SMPX: variants seen among roughly 807,000 people sequenced by gnomAD.
SMPX encodes the protein small muscle protein X-linked.
SMPX carries 2 observed loss-of-function variants against 6.3 expected under a neutral mutation model. That is an observed-to-expected ratio of 0.32 (90% confidence interval 0.13 to 0.99). The LOEUF is 0.99. SMPX is among the 50% of genes least tolerant of loss of function. The pLI is 0.49. For synonymous variants in SMPX, 32 were observed against 24.7 expected (o/e 1.30, Z -0.88); for missense variants, 60 against 66.8 (o/e 0.90, Z 0.36).
At chrX:21,756,208 T>C (rs990847318) in intron 1 of SMPX, among the ~76,000 whole-genome samples, 3 of 112,660 alleles carry the variant, frequency 2.7e-5, no homozygotes, top group African/African-American at 6.4e-5. Context: ...TGTACATCAA[T>C]TTGAAACAGG....
At chrX:21,718,245 A>T (rs1174703221) in intron 4 of SMPX, among the ~76,000 whole-genome samples, 1 of 112,605 alleles carries the variant, frequency 8.9e-6, no homozygotes, top group East Asian at 2.8e-4. Context: ...CACCTGTGTG[A>T]CAGCAACAAG....
intron 4 of SMPX, among the ~76,000 whole-genome samples, chrX:21,728,291 A>G (rs2092799695): frequency 1.2e-5 from 1 of 82,619 alleles, no homozygotes; most frequent in African/African-American, 4.6e-5. Context: ...TCTGATGTTT[A>G]TGGGCATTAA....
At chrX:21,717,599 A>G in intron 4 of SMPX, among the ~76,000 whole-genome samples, 1 of 112,234 alleles carries the variant, frequency 8.9e-6, no homozygotes, top group South Asian at 3.7e-4. Flanking sequence ...TAGAAAATGT[A>G]TTAGGCACTG....
chrX:21,711,731 C>G (rs1414644852), intron 4 of SMPX, among the ~76,000 whole-genome samples: 2 of 111,868 alleles, frequency 1.8e-5, no homozygotes, highest in African/African-American at 6.5e-5. Context: ...TGTCCTTTAA[C>G]CAGACACTCA....
chrX:21,754,609 G>A (rs1458726908), intron 1 of SMPX, among the ~76,000 whole-genome samples: 1 of 111,936 alleles, frequency 8.9e-6, no homozygotes, highest in Non-Finnish European at 1.9e-5. Context: ...CTGACCTTCT[G>A]CCAAGAGCAG....
At chrX:21,733,704 T>C (rs1247371273) in intron 4 of SMPX, 1 of 328,495 alleles carries the variant, frequency 3.0e-6, no homozygotes, top group Non-Finnish European at 5.9e-6. Flanking sequence ...ATTACCACTT[T>C]GATACTTATT....
intron 3 of SMPX, among the ~76,000 whole-genome samples, chrX:21,740,601 A>T (rs1307074877): frequency 8.9e-6 from 1 of 112,427 alleles, no homozygotes; most frequent in Non-Finnish European, 1.9e-5. Context: ...TTCATGCTCA[A>T]ACACCAAAGA....
In SMPX at chrX:21,755,846, A is replaced by C. The variant is rs374263055; in HGVS notation, c.-12-1544T>G. 7.1e-5 allele frequency among the ~76,000 whole-genome samples: 8 copies of C among 112,261 alleles called. No individual in the cohort carries two copies. In the South Asian group the frequency reaches 2.6e-3, roughly 36 times the overall value. On this transcript the variant is annotated intron_variant, in intron 1 of 4. Transcript: ENST00000379494. ...TAACATATAGATTTAGCCTCCATGC[A>C]TAAGGGTCTAGGTAGAATTATTTTT...
chrX:21,709,343 A>G (rs1364439191), intron 4 of SMPX, among the ~76,000 whole-genome samples: 1 of 111,976 alleles, frequency 8.9e-6, no homozygotes, highest in East Asian at 2.8e-4. Context: ...CAACCTCCCC[A>G]TGATTCTCCA....
At chrX:21,742,034 G>A (rs748734319) in intron 3 of SMPX, among the ~76,000 whole-genome samples, 19 of 112,147 alleles carry the variant, frequency 1.7e-4, no homozygotes, top group Admixed American at 1.9e-4. Flanking sequence ...GAAAGTACCA[G>A]TTGGACAAAG....
chrX:21,735,989 C>T (rs1216983598), intron 4 of SMPX, among the ~76,000 whole-genome samples: 1 of 111,786 alleles, frequency 8.9e-6, no homozygotes, highest in African/African-American at 3.3e-5. Flanking sequence ...ATCAATTTGT[C>T]CCCATCCAGG....
intron 4 of SMPX, among the ~76,000 whole-genome samples, chrX:21,723,958 C>T (rs2092794382): frequency 8.9e-6 from 1 of 112,053 alleles, no homozygotes; most frequent in Admixed American, 9.4e-5. Context: ...ATGAGCTCCT[C>T]TTCCTATGTG....
At chrX:21,741,636 A>G (rs2092816166) in intron 3 of SMPX, among the ~76,000 whole-genome samples, 1 of 111,346 alleles carries the variant, frequency 9.0e-6, no homozygotes, top group Admixed American at 9.6e-5. Flanking sequence ...AGACTGCACA[A>G]ATCCTGAGAG....
chrX:21,722,934 A>G (rs974782309), intron 4 of SMPX, among the ~76,000 whole-genome samples: 1 of 112,140 alleles, frequency 8.9e-6, no homozygotes, highest in Non-Finnish European at 1.9e-5. Context: ...TGGAAGCACT[A>G]TTACAAGCAT....
At chrX:21,755,920 T>C (rs2092832411) in intron 1 of SMPX, among the ~76,000 whole-genome samples, 1 of 112,506 alleles carries the variant, frequency 8.9e-6, no homozygotes, top group South Asian at 3.7e-4. Flanking sequence ...CAGTCAAGGA[T>C]ACATTTTTCT....
intron 4 of SMPX, among the ~76,000 whole-genome samples, chrX:21,708,817 T>C (rs2092775639): frequency 8.9e-6 from 1 of 112,618 alleles, no homozygotes; most frequent in Non-Finnish European, 1.9e-5. Flanking sequence ...ATAAGTACAA[T>C]GTTGTACAGC....
chrX:21,738,144 T>C (rs1304021008), intron 3 of SMPX, among the ~76,000 whole-genome samples: 1 of 112,229 alleles, frequency 8.9e-6, no homozygotes, highest in African/African-American at 3.2e-5. Flanking sequence ...CCTGTTTGAA[T>C]ATGGGCACGA....
intron 2 of SMPX, among the ~76,000 whole-genome samples, chrX:21,747,581 C>T (rs1407721938): frequency 9.0e-6 from 1 of 111,591 alleles, no homozygotes; most frequent in Non-Finnish European, 1.9e-5. Flanking sequence ...ACAATATTTC[C>T]TCCACACCCC....
At chrX:21,747,706 T>C (rs1434388262) in intron 2 of SMPX, among the ~76,000 whole-genome samples, 1 of 111,426 alleles carries the variant, frequency 9.0e-6, no homozygotes, top group Non-Finnish European at 1.9e-5. Context: ...TCCACAGCCA[T>C]TGTTCTCTTA....
Sources: allele counts gnomAD v4.1 joint callset (sites outside exome capture counted in the v4.1 genomes callset), GRCh38; gene constraint gnomAD v4.1.1; transcripts MANE v1.5; gene names NCBI Gene and HGNC (gene_info 2026-07-23, HGNC 2026-07-21).